The following IQCM variants were observed in gnomAD, a reference collection of about 807,000 sequenced individuals.
IQCM encodes IQ domain-containing protein M.
In IQCM, 45 loss-of-function variants were observed where a neutral mutation model predicts 57.6. The observed-to-expected ratio is 0.78, with a 90% CI of 0.62 to 1.00. The LOEUF is 1.00. Ranked by LOEUF, IQCM falls within the 50% of genes least tolerant of loss-of-function variation. The pLI is 0.00. For synonymous variants in IQCM, 148 were observed against 158.9 expected, an observed-to-expected ratio of 0.93 and a Z score of 0.51; for missense variants, 468 against 511.6, an observed-to-expected ratio of 0.91 and a Z score of 0.82.
chr4:149,576,920 A>C (rs905306470), intron 9 of IQCM, among the ~76,000 whole-genome samples: 7 of 151,842 alleles, frequency 4.6e-5, no homozygotes, highest in Non-Finnish European at 1.0e-4. Flanking sequence ...ACTTTTTAAT[A>C]GTACCCATTC....
chr4:149,680,525 T>C (rs1324859994), intron 7 of IQCM, among the ~76,000 whole-genome samples: 1 of 151,354 alleles, frequency 6.6e-6, no homozygotes, highest in Non-Finnish European at 1.5e-5. Context: ...AATACTGAAG[T>C]ATACTTCAAT....
chr4:149,676,878 C>T (rs1345928559), intron 7 of IQCM, among the ~76,000 whole-genome samples: 1 of 151,810 alleles, frequency 6.6e-6, no homozygotes, highest in East Asian at 1.9e-4. Flanking sequence ...TAGCATAACC[C>T]CCTAGAAAAC....
At chr4:149,450,742 C>A (rs1420256556) in intron 12 of IQCM, among the ~76,000 whole-genome samples, 1 of 151,714 alleles carries the variant, frequency 6.6e-6, no homozygotes, top group Admixed American at 6.6e-5. Flanking sequence ...GAAAAGAGAA[C>A]CCTCAAACAC....
intron 7 of IQCM, among the ~76,000 whole-genome samples, chr4:149,641,387 A>C (rs1053289535): frequency 6.6e-6 from 1 of 152,204 alleles, no homozygotes; most frequent in African/African-American, 2.4e-5. Context: ...AAAATGAAGA[A>C]AAATTATAAA....
chr4:149,353,741 A>G (rs1184141967), intron 13 of IQCM, among the ~76,000 whole-genome samples: 1 of 152,166 alleles, frequency 6.6e-6, no homozygotes, highest in African/African-American at 2.4e-5. Flanking sequence ...AGTCAAATAT[A>G]CAGACATAGA....
intron 13 of IQCM, among the ~76,000 whole-genome samples, chr4:149,383,454 T>G (rs181513036): frequency 1.3e-5 from 2 of 152,164 alleles, no homozygotes; most frequent in African/African-American, 4.8e-5. Context: ...TTTTGGTATA[T>G]GCAATAAACC....
chr4:149,580,099 C>A (rs1752034640), intron 9 of IQCM, among the ~76,000 whole-genome samples: 1 of 151,652 alleles, frequency 6.6e-6, no homozygotes, highest in Non-Finnish European at 1.5e-5. Flanking sequence ...AAAAGAATAA[C>A]CATCAGACTA....
chr4:149,372,126 C>T (rs2110985788), intron 13 of IQCM, among the ~76,000 whole-genome samples: 1 of 152,252 alleles, frequency 6.6e-6, no homozygotes, highest in African/African-American at 2.4e-5. Context: ...CTACTAAATG[C>T]CAAAGCTTGA....
chr4:149,369,553 A>G (rs1423861795), intron 13 of IQCM, among the ~76,000 whole-genome samples: 2 of 152,198 alleles, frequency 1.3e-5, no homozygotes, highest in Non-Finnish European at 2.9e-5. Context: ...GTGGTATAGC[A>G]TTACTATGAT....
At chr4:149,516,878 A>C (rs1188234467) in intron 12 of IQCM, among the ~76,000 whole-genome samples, 1 of 152,046 alleles carries the variant, frequency 6.6e-6, no homozygotes, top group Admixed American at 6.6e-5. Flanking sequence ...ACAGGCTAAG[A>C]AGGGAGTTAC....
intron 2 of IQCM, among the ~76,000 whole-genome samples, chr4:149,808,732 T>C (rs1774301128): frequency 6.6e-6 from 1 of 152,138 alleles, no homozygotes; most frequent in Non-Finnish European, 1.5e-5. Flanking sequence ...GTTTCTCAAC[T>C]TGGGAGAGGA....
chr4:149,585,470 C>G (rs925769301), intron 9 of IQCM, among the ~76,000 whole-genome samples: 1 of 151,604 alleles, frequency 6.6e-6, no homozygotes, highest in African/African-American at 2.4e-5. Context: ...CAATTAAGTA[C>G]ATTTGTGTAT....
chr4:149,687,350 T>C (rs1762619105), intron 5 of IQCM, among the ~76,000 whole-genome samples: 1 of 151,544 alleles, frequency 6.6e-6, no homozygotes. Flanking sequence ...TGTCCTTGGG[T>C]TCTGCATCTG....
chr4:149,419,434 G>A (rs1174176565), intron 13 of IQCM, among the ~76,000 whole-genome samples: 1 of 152,120 alleles, frequency 6.6e-6, no homozygotes, highest in East Asian at 1.9e-4. Context: ...GATCTGGCTA[G>A]CCATATGCAG....
At chr4:149,667,297 G>C (rs1760818257) in intron 7 of IQCM, among the ~76,000 whole-genome samples, 1 of 152,174 alleles carries the variant, frequency 6.6e-6, no homozygotes, top group Non-Finnish European at 1.5e-5. Context: ...AGGGCCAGGA[G>C]TGGACCTCCA....
chr4:149,582,599 G>C (rs1752313927), intron 9 of IQCM, among the ~76,000 whole-genome samples: 1 of 150,224 alleles, frequency 6.7e-6, no homozygotes, highest in Admixed American at 6.7e-5. Context: ...CAGTGTTATA[G>C]AGGAGATTTG....
At chr4:149,766,318 AT>A (rs1770054416) in intron 2 of IQCM, among the ~76,000 whole-genome samples, 3 of 152,168 alleles carry the variant, frequency 2.0e-5, no homozygotes, top group Admixed American at 6.6e-5. Context: ...TTGCAAAAAA[AT>A]ATTATGACTT....
At chr4:149,449,846 AC>A (rs1162234907) in intron 12 of IQCM, among the ~76,000 whole-genome samples, 1 of 151,838 alleles carries the variant, frequency 6.6e-6, no homozygotes, top group African/African-American at 2.4e-5. Flanking sequence ...TCACAGAAAT[AC>A]AAAAGAAAAA....
intron 12 of IQCM, among the ~76,000 whole-genome samples, chr4:149,500,018 C>T (rs954218924): frequency 5.9e-5 from 9 of 152,134 alleles, no homozygotes; most frequent in Admixed American, 2.6e-4. Flanking sequence ...AGGCAACAGC[C>T]GAAGCTTAGC....
Sources: allele counts gnomAD v4.1 joint callset (sites outside exome capture counted in the v4.1 genomes callset), GRCh38; gene constraint gnomAD v4.1.1; transcripts MANE v1.5; gene names NCBI Gene and HGNC (gene_info 2026-07-23, HGNC 2026-07-21).